Variants in TET3 observed in about 807,000 individuals in gnomAD.
TET3 encodes the protein methylcytosine dioxygenase TET3.
A neutral mutation model predicts 141.4 loss-of-function variants in TET3; 19 were observed. The observed-to-expected ratio is 0.13, with a 90% CI of 0.09 to 0.20. The LOEUF is 0.20. TET3 is among the 10% of genes least tolerant of loss of function. The pLI, the probability that TET3 is intolerant of heterozygous loss-of-function variation, is 1.00. For synonymous variants in TET3, 1,043 were observed against 980.9 expected, an observed-to-expected ratio of 1.06 and a Z score of -1.18; for missense variants, 1,874 against 2,356.9, an observed-to-expected ratio of 0.80 and a Z score of 4.24.
chr2:73,987,027 C>CA (rs1190322739), intron 2 of TET3, among the ~76,000 whole-genome samples: 4 of 152,158 alleles, frequency 2.6e-5, no homozygotes, highest in Admixed American at 1.3e-4. Flanking sequence ...GTATTTCAAG[C>CA]TCATGCTAAT....
chr2:74,059,075 C>T (rs898806780), intron 4 of TET3, among the ~76,000 whole-genome samples: 1 of 152,148 alleles, frequency 6.6e-6, no homozygotes, highest in Non-Finnish European at 1.5e-5. Context: ...TTTGCTGACC[C>T]CTGTCCTAAG....
At chr2:74,044,767 ACTGT>A (rs1367381013) in intron 3 of TET3, among the ~76,000 whole-genome samples, 1 of 152,188 alleles carries the variant, frequency 6.6e-6, no homozygotes, top group Non-Finnish European at 1.5e-5. Context: ...TAAGTTGGGG[ACTGT>A]CTGTACTGTC....
At chr2:74,044,059 A>G (rs1273035821) in intron 3 of TET3, among the ~76,000 whole-genome samples, 3 of 152,182 alleles carry the variant, frequency 2.0e-5, no homozygotes, top group Non-Finnish European at 4.4e-5. Flanking sequence ...AGTCCTAGCT[A>G]CTTGATAGGC....
intron 4 of TET3, among the ~76,000 whole-genome samples, chr2:74,056,449 T>A (rs1688217631): frequency 6.6e-6 from 1 of 152,188 alleles, no homozygotes; most frequent in South Asian, 2.1e-4. Context: ...GAAAAACACT[T>A]AAAGCTGTAT....
At position 74,102,303 on chromosome 2, in the gene TET3, T is replaced by C. The variant is rs1691270784; in HGVS notation, c.*127T>C. On this transcript the variant is annotated 3_prime_UTR_variant, in exon 12 of 12. Transcript: ENST00000409262. The stretch of plus-strand genomic sequence containing the variant: ...TTTTATCTCTATATACATATATAGA[T>C]GCGCATATCATATATATGTATTTAT... 1 of 1,228,676 alleles carries C rather than the reference T, an allele frequency of 8.1e-7. No individual in the cohort carries two copies. The allele number at this position is 1,228,676 out of a possible 1,614,324, so 76.1% of individuals were successfully genotyped here. A position where few individuals can be genotyped will look rare whatever the true frequency, so the allele number is the denominator to read the frequency against.
At chr2:74,080,710 G>GGGGGGC (rs1689767350) in intron 6 of TET3, 119 bp downstream of exon 6, 1 of 315,156 alleles carries the variant, frequency 3.2e-6, no homozygotes, top group African/African-American at 2.3e-5. Context: ...GGGGGGTGGG[G>GGGGGGC]CCAGGTGGGT....
At chr2:74,063,732 C>T (rs1274299376) in intron 4 of TET3, among the ~76,000 whole-genome samples, 1 of 151,950 alleles carries the variant, frequency 6.6e-6, no homozygotes, top group East Asian at 1.9e-4. Context: ...GTACAGCATA[C>T]TAAACATACC....
At chr2:74,044,821 C>A (rs1421981018) in intron 3 of TET3, among the ~76,000 whole-genome samples, 3 of 152,200 alleles carry the variant, frequency 2.0e-5, no homozygotes, top group Non-Finnish European at 2.9e-5. Flanking sequence ...ATCCTGAGAA[C>A]AAGGGCATTC....
the TET3 span, chr2:74,134,595 T>C: frequency 2.3e-6 from 1 of 428,148 alleles, no homozygotes. Flanking sequence ...GAGGAGTGGA[T>C]GGTCAACCTC....
rs561822586 is a variant in TET3, at chr2:74,004,131, G to A, written c.360+965G>A. On this transcript the variant is annotated intron_variant, in intron 3 of 11. Transcript: ENST00000409262. ...CAGAGAGGCTGGAAGGGAGCATGGG[G>A]CAGGTGGGCAGGGTCAGGGCTCATG... Among the ~76,000 whole-genome samples the A allele has an allele frequency of 7.9e-5, 12 of 152,218 alleles. No homozygotes were observed. In the East Asian group the frequency reaches 1.6e-3, roughly 20 times the overall value.
the TET3 span, among the ~76,000 whole-genome samples, chr2:74,125,013 C>CT: frequency 2.9e-4 from 40 of 138,386 alleles, no homozygotes; most frequent in Non-Finnish European, 3.4e-4. Flanking sequence ...AATTTTTTTT[C>CT]TTTTTTTTTT....
At chr2:74,024,676 G>A (rs925465755) in intron 3 of TET3, among the ~76,000 whole-genome samples, 4 of 151,980 alleles carry the variant, frequency 2.6e-5, no homozygotes, top group Non-Finnish European at 2.9e-5. Flanking sequence ...TTGTTTCACC[G>A]TTTCCTGTTC....
At chr2:73,983,735 C>A (rs1256079627), upstream of TET3, among the ~76,000 whole-genome samples, 1 of 152,242 alleles carries the variant, frequency 6.6e-6, no homozygotes, top group African/African-American at 2.4e-5. Flanking sequence ...GGCGGCGACG[C>A]CTGCCAGGTA....
chr2:73,987,185 C>T (rs76840620), intron 2 of TET3, among the ~76,000 whole-genome samples: 3,354 of 152,190 alleles, frequency 0.022, 40 homozygotes, highest in Non-Finnish European at 0.031. Context: ...GGCCAGAGAG[C>T]CAGTTGAAAC....
intron 4 of TET3, among the ~76,000 whole-genome samples, chr2:74,067,918 G>T (rs553218408): frequency 1.2e-4 from 19 of 152,302 alleles, no homozygotes; most frequent in African/African-American, 4.6e-4. Flanking sequence ...TTTAGATTCT[G>T]TCTTCTGTCC....
intron 4 of TET3, among the ~76,000 whole-genome samples, chr2:74,070,904 G>A (rs1185207252): frequency 6.6e-6 from 1 of 152,166 alleles, no homozygotes; most frequent in East Asian, 1.9e-4. Context: ...GACCCTGGGA[G>A]GTCGAAGCTG....
chr2:74,110,590 C>T (rs867929324), downstream of TET3, among the ~76,000 whole-genome samples: 1 of 152,112 alleles, frequency 6.6e-6, no homozygotes, highest in Non-Finnish European at 1.5e-5. Flanking sequence ...ACATAGAAGA[C>T]GTGAAAGACA....
intron 6 of TET3, among the ~76,000 whole-genome samples, chr2:74,085,912 C>T (rs550272495): frequency 1.3e-5 from 2 of 152,230 alleles, no homozygotes; most frequent in African/African-American, 4.8e-5. Context: ...TTCCTTGTCC[C>T]TCAGCCTCAG....
In TET3 at chr2:74,107,893, A is replaced by T. The variant is rs1048665249; in HGVS notation, c.*5717A>T. 2.0e-5 allele frequency: 3 copies of T among 152,462 alleles called. No homozygotes were observed. Among genetic ancestry groups the T allele is most frequent in the African/African-American group, 7.2e-5 (3 of 41,426 alleles). 9.4% of individuals were successfully genotyped at this position (152,462 alleles called of 1,614,324 possible). A position where few individuals can be genotyped will look rare whatever the true frequency, so the allele number is the denominator to read the frequency against. On this transcript the variant is annotated 3_prime_UTR_variant, in exon 12 of 12. Coordinates refer to ENST00000409262, the MANE Select transcript of TET3 (RefSeq NM_001287491.2). ...TAGATATTCTTAGTACAGTAAATTT[A>T]TGCTGATAATTTTATTTTGTATAAT... is the stretch of plus-strand genomic sequence containing the variant.
Sources: gnomAD v4.1 joint callset for allele counts (sites outside exome capture counted in the v4.1 genomes callset) on GRCh38, gnomAD v4.1.1 for gene constraint, MANE v1.5 for transcripts, NCBI Gene and HGNC (gene_info 2026-07-23, HGNC 2026-07-21) for gene names.